The following SNX13 variants were observed in gnomAD, a reference collection of about 807,000 sequenced individuals.
SNX13 encodes sorting nexin-13.
SNX13 carries 45 observed loss-of-function variants against 133.6 expected under a neutral mutation model. The observed-to-expected ratio is 0.34, with a 90% CI of 0.27 to 0.43. The LOEUF (loss-of-function observed/expected upper bound fraction) is 0.43, where lower values mean the gene tolerates loss of function less well. SNX13 is among the 20% of genes least tolerant of loss of function. The pLI, the probability that SNX13 is intolerant of heterozygous loss-of-function variation, is 1.00. For missense variants in SNX13, 1,032 were observed against 1,145.1 expected, an observed-to-expected ratio of 0.90 and a Z score of 1.43; for synonymous variants, 414 against 373.9, an observed-to-expected ratio of 1.11 and a Z score of -1.24.
intron 19 of SNX13, among the ~76,000 whole-genome samples, chr7:17,815,355 G>A (rs886155995): frequency 6.6e-6 from 1 of 152,000 alleles, no homozygotes; most frequent in South Asian, 2.1e-4. Context: ...AGATTGAGGC[G>A]GGAAAATTGC....
Position 17,794,255 on chromosome 7 carries a change from C to T in SNX13, c.2664G>A (p.Arg888=). 1 of 1,611,472 alleles carries T rather than the reference C, an allele frequency of 6.2e-7. No homozygotes were observed. The highest frequency in any genetic ancestry group is 1.3e-5 in the African/African-American group (1 of 74,906). Residue 888 remains arginine (R), a synonymous_variant, in exon 26 of 26, where the codon CGG becomes CGA. Coordinates refer to ENST00000428135, the MANE Select transcript of SNX13 (RefSeq NM_015132.5). Reference sequence around the variant, plus strand: ...TTTCAAAAACACGAAGAATACCTTTCCGTGTTGTCTCAGCCCCAATAATGT... The same window carrying T: ...TTTCAAAAACACGAAGAATACCTTTTCGTGTTGTCTCAGCCCCAATAATGT... The part of the protein sequence containing the change: ...LKHIIGAETT[R]KGILRVFEMF...
intron 15 of SNX13, among the ~76,000 whole-genome samples, 190 bp downstream of exon 15, chr7:17,833,862 C>T (rs1336556884): frequency 6.6e-6 from 1 of 151,574 alleles, no homozygotes; most frequent in African/African-American, 2.4e-5. Context: ...CATTCTAATC[C>T]ACTATTAAAT....
At chr7:17,852,590 T>G (rs1791361932) in intron 9 of SNX13, among the ~76,000 whole-genome samples, 1 of 152,194 alleles carries the variant, frequency 6.6e-6, no homozygotes, top group Non-Finnish European at 1.5e-5. Context: ...GTCAACCCTC[T>G]TATAAAGTTT....
intron 25 of SNX13, chr7:17,794,592 A>C: frequency 4.4e-6 from 1 of 229,744 alleles, no homozygotes; most frequent in Non-Finnish European, 8.5e-6. Flanking sequence ...CTTAATACCC[A>C]TGTGATACTT....
chr7:17,877,424 C>G (rs1264853784), intron 5 of SNX13, among the ~76,000 whole-genome samples: 1 of 151,916 alleles, frequency 6.6e-6, no homozygotes, highest in Admixed American at 6.6e-5. Context: ...TTTCAAAAAT[C>G]TTTACATGAA....
intron 4 of SNX13, among the ~76,000 whole-genome samples, chr7:17,890,820 A>G (rs987756602): frequency 3.3e-5 from 5 of 151,946 alleles, no homozygotes; most frequent in African/African-American, 9.7e-5. Flanking sequence ...CTAATAAATA[A>G]TATCAATCAG....
chr7:17,876,893 A>C (rs1371231155), intron 5 of SNX13, among the ~76,000 whole-genome samples: 1 of 151,788 alleles, frequency 6.6e-6, no homozygotes, highest in Admixed American at 6.5e-5. Context: ...TCACCCAGGA[A>C]CATACCAAGT....
chr7:17,905,119 T>C (rs904565838), intron 1 of SNX13, among the ~76,000 whole-genome samples: 3 of 152,210 alleles, frequency 2.0e-5, no homozygotes, highest in Admixed American at 1.3e-4. Flanking sequence ...TATATACTCC[T>C]ATGATTAGTT....
At chr7:17,861,681 T>C (rs957103347) in intron 9 of SNX13, among the ~76,000 whole-genome samples, 5 of 152,076 alleles carry the variant, frequency 3.3e-5, no homozygotes, top group Non-Finnish European at 7.4e-5. Context: ...CTAAACACAC[T>C]GTGTGTGCTC....
intron 20 of SNX13, among the ~76,000 whole-genome samples, chr7:17,809,862 G>C (rs1482190211): frequency 6.6e-6 from 1 of 152,156 alleles, no homozygotes; most frequent in East Asian, 1.9e-4. Flanking sequence ...ACCTGCTCTG[G>C]AATGACCACT....
intron 15 of SNX13, chr7:17,832,261 C>CAAT: frequency 1.0e-6 from 1 of 984,386 alleles, no homozygotes; most frequent in South Asian, 4.7e-5. Flanking sequence ...AGTTTGCTTC[C>CAAT]AATAGCTGTA....
chr7:17,901,977 TCA>T (rs1797889054), intron 1 of SNX13, among the ~76,000 whole-genome samples: 1 of 152,186 alleles, frequency 6.6e-6, no homozygotes, highest in Non-Finnish European at 1.5e-5. Flanking sequence ...ATCATATCTT[TCA>T]CAATTAAAGA....
chr7:17,932,294 T>C (rs1284861669), intron 1 of SNX13, among the ~76,000 whole-genome samples: 1 of 152,158 alleles, frequency 6.6e-6, no homozygotes, highest in African/African-American at 2.4e-5. Flanking sequence ...GTAGGAAAAA[T>C]TAAGACAGAA....
intron 2 of SNX13, 60 bp downstream of exon 2, chr7:17,897,274 T>C (rs1352948696): frequency 1.4e-5 from 13 of 903,158 alleles, no homozygotes; most frequent in Non-Finnish European, 1.9e-5. Context: ...CTCAGTCATT[T>C]GTTTCCATTT....
At chr7:17,913,783 G>A (rs1471717189) in intron 1 of SNX13, among the ~76,000 whole-genome samples, 157 of 101,390 alleles carry the variant, frequency 1.5e-3, no homozygotes, top group African/African-American at 1.9e-3. Flanking sequence ...AAAAAAAAAA[G>A]AAGCAGCATC....
rs190540668 is a variant in SNX13, at chr7:17,830,118, C to T, written c.1598-71G>A. The T allele has an allele frequency of 3.6e-4, 386 of 1,058,412 alleles. No individual in the cohort carries two copies. The African/African-American group carries it at 6.3e-3, about 17-fold the overall frequency. The allele number at this position is 1,058,412 out of a possible 1,614,324, so 65.6% of individuals were successfully genotyped here. ...ACGGTTGCTTTATCTAAGGTTCAAA[C>T]ACTAAGAATGAAAGTCACATAAGCC... On this transcript the variant is annotated intron_variant, in intron 15 of 25. Coordinates refer to ENST00000428135, the MANE Select transcript of SNX13 (RefSeq NM_015132.5).
intron 9 of SNX13, among the ~76,000 whole-genome samples, chr7:17,863,107 C>T (rs148531728): frequency 5.2e-4 from 79 of 152,288 alleles, no homozygotes; most frequent in Non-Finnish European, 9.4e-4. Context: ...CAGAATTCCA[C>T]TAGCACCCAG....
At chr7:17,861,703 G>A (rs1792724922) in intron 9 of SNX13, among the ~76,000 whole-genome samples, 1 of 152,144 alleles carries the variant, frequency 6.6e-6, no homozygotes. Context: ...CTTCCCAAGT[G>A]TAAGGAGGGC....
chr7:17,867,854 A>G (rs1793589516), intron 9 of SNX13, among the ~76,000 whole-genome samples: 2 of 152,086 alleles, frequency 1.3e-5, no homozygotes, highest in South Asian at 4.1e-4. Context: ...TTATTAAGGA[A>G]AAGGATACAT....
Sources: allele counts gnomAD v4.1 joint callset (sites outside exome capture counted in the v4.1 genomes callset), GRCh38; gene constraint gnomAD v4.1.1; transcripts MANE v1.5; gene names NCBI Gene and HGNC (gene_info 2026-07-23, HGNC 2026-07-21).